The following POLR2F variants were observed in gnomAD, a reference collection of about 807,000 sequenced individuals.
The protein encoded by POLR2F is RNA polymerase II, I and III subunit F, also known as DNA-directed RNA polymerases I, II, and III subunit RPABC2.
POLR2F carries 12 observed loss-of-function variants against 22.7 expected under a neutral mutation model. The ratio of observed to expected loss-of-function variants is 0.53; its 90% CI spans 0.34 to 0.86. The LOEUF (loss-of-function observed/expected upper bound fraction) is 0.86, where lower values mean the gene tolerates loss of function less well. POLR2F is among the 40% of genes least tolerant of loss of function. POLR2F has a pLI of 0.02. For synonymous variants in POLR2F, 57 were observed against 66.0 expected (o/e 0.86, Z 0.66); for missense variants, 126 against 171.5 (o/e 0.73, Z 1.48).
At chr22:37,961,358 G>A (rs1931634309) in intron 3 of POLR2F, among the ~76,000 whole-genome samples, 1 of 152,170 alleles carries the variant, frequency 6.6e-6, no homozygotes, top group African/African-American at 2.4e-5. Context: ...ACCATTCCTG[G>A]CTTTAAGGTG....
chr22:37,969,416 G>A (rs1931979108), downstream of POLR2F: 13 of 696,342 alleles, frequency 1.9e-5, no homozygotes, highest in Non-Finnish European at 2.3e-5. Flanking sequence ...CCTGAGGCCT[G>A]TGCACACTTG....
rs184826403 is a variant in POLR2F at position 37,956,051 on chromosome 22, C to T, written c.21-722C>T. ...TACTGGGCGAGACACAGATCTCTGCCCTCTTTGATTTTTTTTTTGTTTGTT... is the reference window on the plus strand; with the variant it reads ...TACTGGGCGAGACACAGATCTCTGCTCTCTTTGATTTTTTTTTTGTTTGTT... On this transcript the variant is annotated intron_variant, in intron 1 of 4. Coordinates refer to ENST00000442738, the MANE Select transcript of POLR2F (RefSeq NM_021974.5). Among the ~76,000 whole-genome samples the T allele has an allele frequency of 6.1e-4, 92 of 151,830 alleles. 1 individual carries two copies. The highest frequency in any genetic ancestry group is 3.4e-3 in the Middle Eastern group (1 of 292).
chr22:38,004,139 CCT>C (rs1339765497), intron 1 of POLR2F, among the ~76,000 whole-genome samples: 2 of 151,038 alleles, frequency 1.3e-5, no homozygotes, highest in Non-Finnish European at 2.9e-5. Flanking sequence ...CAGGAATGCA[CCT>C]CTGTGTCTGG....
chr22:38,014,495 C>T (rs867102792), intron 1 of POLR2F, among the ~76,000 whole-genome samples: 49 of 150,292 alleles, frequency 3.3e-4, no homozygotes, highest in African/African-American at 8.8e-4. Context: ...GGATTACAGG[C>T]GCCCACCACC....
At chr22:38,004,178 TG>T (rs139899) in intron 1 of POLR2F, among the ~76,000 whole-genome samples, 97,721 of 151,598 alleles carry the variant, frequency 0.64, 31,772 homozygotes, top group African/African-American at 0.73. Context: ...TGTAGAGATG[TG>T]GGGGGGGTCT....
intron 5 of POLR2F, among the ~76,000 whole-genome samples, chr22:38,037,147 T>G (rs6000982): frequency 6.6e-6 from 1 of 152,246 alleles, no homozygotes; most frequent in Admixed American, 6.5e-5. Context: ...TGGTCTGTTA[T>G]GTCCACTGCT....
At chr22:38,031,381 C>T (rs985153463), downstream of POLR2F, among the ~76,000 whole-genome samples, 1 of 152,170 alleles carries the variant, frequency 6.6e-6, no homozygotes, top group Non-Finnish European at 1.5e-5. This position sits in a 1 kb window ranked among gnomAD's most constrained non-coding sequence, Gnocchi z 4.1. Flanking sequence ...CACGTCCCCC[C>T]ACAAGGTAGA....
chr22:38,023,040 CAAAG>C (rs2084974888), intron 1 of POLR2F, among the ~76,000 whole-genome samples: 1 of 152,134 alleles, frequency 6.6e-6, no homozygotes, highest in African/African-American at 2.4e-5. Flanking sequence ...AAAAAACAAA[CAAAG>C]AAACAGAAAT....
intron 2 of POLR2F, among the ~76,000 whole-genome samples, chr22:37,957,096 C>G (rs960472291): frequency 1.3e-5 from 2 of 152,202 alleles, no homozygotes; most frequent in African/African-American, 2.4e-5. Context: ...TTAAACGGTG[C>G]CTTCCTTCAT....
intron 4 of POLR2F, among the ~76,000 whole-genome samples, chr22:37,975,291 T>C (rs1169918853): frequency 6.6e-6 from 1 of 152,202 alleles, no homozygotes; most frequent in Admixed American, 6.5e-5. Flanking sequence ...TTGGAAGTGC[T>C]GTGGTGACAA....
chr22:37,969,560 C>T (rs1298606601), downstream of POLR2F, among the ~76,000 whole-genome samples: 1 of 152,196 alleles, frequency 6.6e-6, no homozygotes, highest in East Asian at 1.9e-4. Context: ...ATAGTGTCAT[C>T]TTCCGGATGT....
intron 1 of POLR2F, among the ~76,000 whole-genome samples, chr22:38,022,627 T>A (rs2084970535): frequency 6.6e-6 from 1 of 151,836 alleles, no homozygotes; most frequent in Admixed American, 6.6e-5. Flanking sequence ...CAAGGCATTA[T>A]CTGTTTATTT....
In POLR2F at chr22:37,986,605, C is replaced by G. The variant is rs1932588121; in HGVS notation, c.120+293C>G. 1 of 690,570 alleles carries G rather than the reference C, an allele frequency of 1.4e-6. No individual in the cohort carries two copies. The allele number at this position is 690,570 out of a possible 1,614,324, so 42.8% of individuals were successfully genotyped here. ...CCACGCTAGACAGAAGGGGCCACTC[C>G]CTCTCTCTCTCCCTTGTCCCCGCAC... is the stretch of plus-strand genomic sequence containing the variant. On this transcript the variant is annotated intron_variant, in intron 1 of 2. Transcript: ENST00000333418. The surrounding 1 kb of genome is among the most constrained non-coding windows in gnomAD (Gnocchi z 4.7).
intron 3 of POLR2F, among the ~76,000 whole-genome samples, chr22:37,965,196 G>A (rs1472645981): frequency 6.6e-6 from 1 of 151,918 alleles, no homozygotes; most frequent in Non-Finnish European, 1.5e-5. Flanking sequence ...TAGTAGAGAC[G>A]GGGTTTCACC....
chr22:38,002,482 C>T (rs1383081180), intron 1 of POLR2F, among the ~76,000 whole-genome samples: 4 of 152,130 alleles, frequency 2.6e-5, no homozygotes, highest in Admixed American at 1.3e-4. Context: ...AAGCAATTCT[C>T]CCACCTCAGC....
chr22:37,954,533 G>A (rs1931284629), intron 1 of POLR2F, among the ~76,000 whole-genome samples: 1 of 152,026 alleles, frequency 6.6e-6, no homozygotes. Flanking sequence ...GAACTCCTGA[G>A]CTTGTGATCC....
downstream of POLR2F, chr22:38,041,861 T>C (rs2085175309): frequency 6.6e-6 from 1 of 152,182 alleles, no homozygotes; most frequent in African/African-American, 2.4e-5. Context: ...GCTCTAACTG[T>C]ATGAATTGTA....
At chr22:38,035,120 CATA>C (rs2085102637) in intron 5 of POLR2F, among the ~76,000 whole-genome samples, 1 of 152,182 alleles carries the variant, frequency 6.6e-6, no homozygotes, top group South Asian at 2.1e-4. Context: ...TGCTCTCTGC[CATA>C]GCCATCTCTC....
At chr22:38,035,294 G>C (rs1311806754) in intron 5 of POLR2F, among the ~76,000 whole-genome samples, 1 of 152,174 alleles carries the variant, frequency 6.6e-6, no homozygotes, top group Non-Finnish European at 1.5e-5. Context: ...ATCCAGTGTG[G>C]TGTGTGCATA....
Sources: gnomAD v4.1 joint callset for allele counts (sites outside exome capture counted in the v4.1 genomes callset) on GRCh38, gnomAD v4.1.1 for gene constraint, Gnocchi (gnomAD v3.1) non-coding constraint, MANE v1.5 for transcripts, NCBI Gene and HGNC (gene_info 2026-07-23, HGNC 2026-07-21) for gene names.